The following CAMKMT variants were observed in gnomAD, a reference collection of about 807,000 sequenced individuals.
CAMKMT encodes the protein calmodulin-lysine N-methyltransferase, also known as CaM KMT.
In CAMKMT, 53 loss-of-function variants were observed where a neutral mutation model predicts 48.0. That is an observed-to-expected ratio of 1.10 (90% confidence interval 0.89 to 1.39). The LOEUF is 1.39. CAMKMT is among the 40% of genes most tolerant of loss of function. The pLI is 0.00. For missense variants in CAMKMT, 428 were observed against 402.7 expected (o/e 1.06, Z -0.54); for synonymous variants, 165 against 152.3 (o/e 1.08, Z -0.61).
At chr2:44,421,624 A>C (rs1391444990) in intron 3 of CAMKMT, among the ~76,000 whole-genome samples, 1 of 152,178 alleles carries the variant, frequency 6.6e-6, no homozygotes, top group Non-Finnish European at 1.5e-5. Context: ...AGTTTGTTTA[A>C]TATTCATAAC....
intron 3 of CAMKMT, among the ~76,000 whole-genome samples, chr2:44,507,959 C>G (rs1178688132): frequency 4.6e-5 from 7 of 152,186 alleles, no homozygotes; most frequent in Non-Finnish European, 4.4e-5. Context: ...TAGCACTGTT[C>G]CAGAACAGTG....
chr2:44,387,224 C>T lies in CAMKMT; in HGVS notation c.312-3017C>T, dbSNP rs148119371. Among the ~76,000 whole-genome samples, 937 of 152,120 alleles carry T rather than the reference C, an allele frequency of 6.2e-3. 7 individuals carry two copies. The highest frequency in any genetic ancestry group is 0.011 in the Non-Finnish European group (719 of 67,962). On this transcript the variant is annotated intron_variant, in intron 2 of 10. Transcript: ENST00000378494. ...TGTTAGGTACATATATGTTTAGGAT[C>T]GTGATATTTTCCTGTTGGACAAGGC...
At chr2:44,686,262 G>A (rs1225751268) in intron 3 of CAMKMT, among the ~76,000 whole-genome samples, 4 of 151,764 alleles carry the variant, frequency 2.6e-5, no homozygotes, top group Admixed American at 1.3e-4. Context: ...GCATGGTGGC[G>A]GGCGCCTGTA....
At chr2:44,562,267 G>A (rs966932946) in intron 3 of CAMKMT, among the ~76,000 whole-genome samples, 6 of 152,136 alleles carry the variant, frequency 3.9e-5, no homozygotes, top group Admixed American at 6.5e-5. Context: ...TACAACAAAC[G>A]AATTCTATTT....
At chr2:44,416,788 T>G (rs1327231998) in intron 3 of CAMKMT, among the ~76,000 whole-genome samples, 10 of 151,902 alleles carry the variant, frequency 6.6e-5, no homozygotes. Context: ...TTGGCCAGGC[T>G]GGTCTCTAAC....
At chr2:44,528,966 A>G (rs1223223) in intron 3 of CAMKMT, among the ~76,000 whole-genome samples, 16,109 of 152,038 alleles carry the variant, frequency 0.11, 1,049 homozygotes, top group Admixed American at 0.18. Flanking sequence ...GTTAGTGGCC[A>G]TTATTTCGTT....
chr2:44,742,082 A>G (rs1679708654), intron 7 of CAMKMT, among the ~76,000 whole-genome samples: 2 of 148,710 alleles, frequency 1.3e-5, no homozygotes, highest in African/African-American at 4.9e-5. Context: ...TTCAAGTCTT[A>G]GACTCTAAAA....
In CAMKMT at chr2:44,705,480, G is replaced by T. The variant is rs908178032; in HGVS notation, c.438-807G>T. 5.1e-6 allele frequency: 5 copies of T among 985,282 alleles called. No individual in the cohort carries two copies. In the East Asian group the frequency reaches 5.7e-4, roughly 112 times the overall value. 61.0% of individuals were successfully genotyped at this position (985,282 alleles called of 1,614,324 possible). A position where few individuals can be genotyped will look rare whatever the true frequency, so the allele number is the denominator to read the frequency against. On this transcript the variant is annotated intron_variant, in intron 4 of 10. Coordinates refer to ENST00000378494, the MANE Select transcript of CAMKMT (RefSeq NM_024766.5). The stretch of plus-strand genomic sequence containing the variant: ...TGACTGGAGCTCCAATCAGCGAGCA[G>T]TGGGCCAGGGCGAGAATGTCACACG...
At chr2:44,440,877 C>T (rs550071877) in intron 3 of CAMKMT, among the ~76,000 whole-genome samples, 2 of 151,858 alleles carry the variant, frequency 1.3e-5, no homozygotes, top group African/African-American at 4.8e-5. Flanking sequence ...TCACAGAATC[C>T]CTCTTTTACT....
intron 3 of CAMKMT, among the ~76,000 whole-genome samples, chr2:44,608,259 A>C (rs1671408326): frequency 6.6e-6 from 1 of 151,876 alleles, no homozygotes; most frequent in Admixed American, 6.6e-5. Context: ...TTTTTAGTAG[A>C]GACGGGGTTT....
intron 3 of CAMKMT, among the ~76,000 whole-genome samples, chr2:44,686,358 A>T (rs1262588456): frequency 6.7e-6 from 1 of 150,194 alleles, no homozygotes; most frequent in Admixed American, 6.7e-5. Flanking sequence ...ATGCCACTGC[A>T]CTCCAGCCTG....
chr2:44,769,861 G>C (rs1228252780), intron 10 of CAMKMT, among the ~76,000 whole-genome samples: 4 of 152,106 alleles, frequency 2.6e-5, no homozygotes, highest in Non-Finnish European at 4.4e-5. Context: ...TGATAATTGT[G>C]GATACTGTAA....
At chr2:44,594,243 A>G (rs1189682435) in intron 3 of CAMKMT, among the ~76,000 whole-genome samples, 4 of 152,232 alleles carry the variant, frequency 2.6e-5, no homozygotes, top group Admixed American at 6.5e-5. Context: ...TGCCCGAAGT[A>G]ATTTATAAAT....
intron 3 of CAMKMT, among the ~76,000 whole-genome samples, chr2:44,451,951 C>T (rs1667310877): frequency 6.6e-6 from 1 of 151,692 alleles, no homozygotes; most frequent in African/African-American, 2.4e-5. Context: ...GTTTCTTTTA[C>T]TTATCTAAGC....
intron 3 of CAMKMT, among the ~76,000 whole-genome samples, chr2:44,440,362 C>T (rs1666572022): frequency 1.3e-5 from 2 of 152,078 alleles, no homozygotes; most frequent in Admixed American, 1.3e-4. Flanking sequence ...ATGAAGAACC[C>T]AACATTCAGA....
chr2:44,398,414 G>C (rs912657660), intron 3 of CAMKMT, among the ~76,000 whole-genome samples: 7 of 152,146 alleles, frequency 4.6e-5, no homozygotes, highest in Admixed American at 2.6e-4. Flanking sequence ...AGAAAAATGG[G>C]CTCTCCAGGG....
chr2:44,769,818 T>G (rs769975263), intron 10 of CAMKMT, among the ~76,000 whole-genome samples: 1 of 152,178 alleles, frequency 6.6e-6, no homozygotes, highest in Non-Finnish European at 1.5e-5. Context: ...ACATTACAAG[T>G]GGCTGGTGCT....
At chr2:44,646,098 T>G (rs1673715130) in intron 3 of CAMKMT, among the ~76,000 whole-genome samples, 2 of 152,156 alleles carry the variant, frequency 1.3e-5, no homozygotes, top group Admixed American at 6.5e-5. Flanking sequence ...TGTAGAACAG[T>G]CAGAGAGCTT....
chr2:44,442,297 CAT>C (rs1296075490), intron 3 of CAMKMT, among the ~76,000 whole-genome samples: 1 of 152,114 alleles, frequency 6.6e-6, no homozygotes, highest in Non-Finnish European at 1.5e-5. Context: ...TATCATTTCC[CAT>C]AGAGTTGTGT....
Sources: allele counts gnomAD v4.1 joint callset (sites outside exome capture counted in the v4.1 genomes callset), GRCh38; gene constraint gnomAD v4.1.1; transcripts MANE v1.5; gene names NCBI Gene and HGNC (gene_info 2026-07-23, HGNC 2026-07-21).